CNTN5: variants seen among roughly 807,000 people sequenced by gnomAD.
CNTN5 encodes contactin-5.
CNTN5 carries 77 observed loss-of-function variants against 129.1 expected under a neutral mutation model. The observed-to-expected ratio is 0.60, with a 90% CI of 0.50 to 0.72. CNTN5 has a LOEUF of 0.72. CNTN5 is among the 30% of genes least tolerant of loss of function. The pLI, the probability that CNTN5 is intolerant of heterozygous loss-of-function variation, is 0.00. For missense variants in CNTN5, 1,478 were observed against 1,328.8 expected, an observed-to-expected ratio of 1.11 and a Z score of -1.75; for synonymous variants, 509 against 465.6, an observed-to-expected ratio of 1.09 and a Z score of -1.20.
At chr11:99,319,664 T>C (rs905548621) in intron 1 of CNTN5, among the ~76,000 whole-genome samples, 2 of 152,204 alleles carry the variant, frequency 1.3e-5, no homozygotes, top group African/African-American at 4.8e-5. Context: ...GTTTCATGTA[T>C]ACAAAGTACA....
intron 1 of CNTN5, among the ~76,000 whole-genome samples, chr11:99,306,358 C>CA (rs201805659): frequency 0.02 from 2,993 of 151,226 alleles, 63 homozygotes; most frequent in African/African-American, 0.046. Flanking sequence ...TGCATTCACA[C>CA]AAAAAAATGA....
chr11:99,792,081 G>T (rs777553125), intron 3 of CNTN5, among the ~76,000 whole-genome samples: 1 of 151,902 alleles, frequency 6.6e-6, no homozygotes, highest in Admixed American at 6.6e-5. Context: ...GTCAGGATGC[G>T]TTTTTTATTT....
chr11:100,238,529 G>A, intron 16 of CNTN5, among the ~76,000 whole-genome samples: 1 of 113,156 alleles, frequency 8.8e-6, no homozygotes. Flanking sequence ...GGAGGAGGGG[G>A]TAGAAGAGGA....
chr11:99,757,523 T>C lies in CNTN5; in HGVS notation c.56-62021T>C, dbSNP rs879869288. Among the ~76,000 whole-genome samples the C allele has an allele frequency of 2.6e-5, 4 of 151,998 alleles. 1 individual carries two copies. The highest frequency in any genetic ancestry group is 1.3e-4 in the Admixed American group (2 of 15,228). On this transcript the variant is annotated intron_variant, in intron 3 of 24. Transcript: ENST00000524871. ...TCACATGGAGCTGTGTGGCTCAGTC[T>C]GTTTCTGTTTTCTCTCCTTATAAGG...
Position 99,435,061 on chromosome 11 carries a change from A to G in CNTN5, c.-71+109577A>G, listed in dbSNP as rs138594831. ...CTTAAGTCTAGATAAATGTATTGAT[A>G]TATAATTCTCATATCAGTCTTTTAG... On this transcript the variant is annotated intron_variant, in intron 2 of 24. Transcript: ENST00000524871. 3.3e-5 allele frequency among the ~76,000 whole-genome samples: 5 copies of G among 152,312 alleles called. No homozygotes were observed. In the East Asian group the frequency reaches 7.7e-4, roughly 24 times the overall value.
chr11:99,430,722 A>G (rs1489309258), intron 2 of CNTN5, among the ~76,000 whole-genome samples: 1 of 152,002 alleles, frequency 6.6e-6, no homozygotes, highest in Non-Finnish European at 1.5e-5. Context: ...ATAGGCCTCC[A>G]AAACAAAAGG....
chr11:99,746,848 C>G (rs1944070667), intron 3 of CNTN5, among the ~76,000 whole-genome samples: 1 of 152,156 alleles, frequency 6.6e-6, no homozygotes, highest in African/African-American at 2.4e-5. Context: ...ATCTTGAAAT[C>G]AAGTAGTGTG....
At chr11:100,275,211 C>T (rs1254773809) in intron 18 of CNTN5, among the ~76,000 whole-genome samples, 1 of 152,032 alleles carries the variant, frequency 6.6e-6, no homozygotes, top group Non-Finnish European at 1.5e-5. Flanking sequence ...GCTACCTTTT[C>T]AATAGCATGA....
intron 7 of CNTN5, among the ~76,000 whole-genome samples, chr11:99,931,913 G>A (rs1024748929): frequency 6.6e-6 from 1 of 152,122 alleles, no homozygotes; most frequent in African/African-American, 2.4e-5. Flanking sequence ...CTCCCTATCT[G>A]TCATATGATG....
intron 9 of CNTN5, among the ~76,000 whole-genome samples, chr11:100,035,211 A>G (rs772629659): frequency 1.4e-3 from 71 of 49,104 alleles, no homozygotes; most frequent in South Asian, 2.1e-3. Flanking sequence ...ATGAGTGAGA[A>G]CATGTGTGTT....
chr11:99,893,994 C>T (rs779634172), intron 6 of CNTN5, among the ~76,000 whole-genome samples: 4 of 151,828 alleles, frequency 2.6e-5, no homozygotes, highest in Non-Finnish European at 4.4e-5. Context: ...ACTGCCTTGC[C>T]AGGGTTTTTT....
intron 1 of CNTN5, among the ~76,000 whole-genome samples, chr11:99,321,250 G>T (rs1036461423): frequency 6.6e-6 from 1 of 151,198 alleles, no homozygotes; most frequent in South Asian, 2.1e-4. Flanking sequence ...CACACAGACA[G>T]ACATACACAC....
chr11:100,314,930 T>C (rs1951548289), intron 21 of CNTN5, among the ~76,000 whole-genome samples: 1 of 152,196 alleles, frequency 6.6e-6, no homozygotes, highest in South Asian at 2.1e-4. Flanking sequence ...TTAACTAGTA[T>C]TTATTAAATA....
chr11:99,072,112 A>G (rs4556509), intron 1 of CNTN5, among the ~76,000 whole-genome samples: 58,614 of 151,864 alleles, frequency 0.39, 11,577 homozygotes, highest in East Asian at 0.55. Flanking sequence ...GAACTACTCA[A>G]TGTTGATAGA....
intron 2 of CNTN5, among the ~76,000 whole-genome samples, chr11:99,504,302 G>A (rs1946533476): frequency 6.6e-6 from 1 of 152,044 alleles, no homozygotes; most frequent in Non-Finnish European, 1.5e-5. Context: ...CAGCACTTTG[G>A]GAGGCTGAGG....
intron 2 of CNTN5, among the ~76,000 whole-genome samples, chr11:99,555,037 A>G (rs539539934): frequency 6.6e-6 from 1 of 151,852 alleles, no homozygotes; most frequent in South Asian, 2.1e-4. Flanking sequence ...AAAATAGACT[A>G]CCAAGACTTA....
At chr11:100,105,799 G>C (rs1171871817) in intron 13 of CNTN5, among the ~76,000 whole-genome samples, 1 of 151,496 alleles carries the variant, frequency 6.6e-6, no homozygotes, top group Non-Finnish European at 1.5e-5. Context: ...AGGTCTTCAG[G>C]TTTCCAGGCA....
intron 2 of CNTN5, among the ~76,000 whole-genome samples, chr11:99,360,753 T>A (rs1244982570): frequency 3.9e-5 from 6 of 152,222 alleles, no homozygotes; most frequent in African/African-American, 9.6e-5. Context: ...CATACTAATC[T>A]TTTTATCAAA....
intron 3 of CNTN5, among the ~76,000 whole-genome samples, chr11:99,802,421 G>A (rs1044925755): frequency 1.3e-5 from 2 of 152,148 alleles, no homozygotes; most frequent in African/African-American, 4.8e-5. Flanking sequence ...GTCCCCTAAT[G>A]GCAGGCAAGG....
Sources: gnomAD v4.1 joint callset for allele counts (sites outside exome capture counted in the v4.1 genomes callset) on GRCh38, gnomAD v4.1.1 for gene constraint, MANE v1.5 for transcripts, NCBI Gene and HGNC (gene_info 2026-07-23, HGNC 2026-07-21) for gene names.